PDE1A: variants seen among roughly 807,000 people sequenced by gnomAD.
The protein encoded by PDE1A is dual specificity calcium/calmodulin-dependent 3',5'-cyclic nucleotide phosphodiesterase 1A.
In PDE1A, 35 loss-of-function variants were observed where a neutral mutation model predicts 61.7. That is an observed-to-expected ratio of 0.57 (90% CI 0.43 to 0.75). PDE1A has a LOEUF of 0.75. Ranked by LOEUF, PDE1A falls within the 30% of genes least tolerant of loss-of-function variation. The pLI is 0.00. For missense variants in PDE1A, 597 were observed against 630.6 expected (o/e 0.95, Z 0.57); for synonymous variants, 232 against 213.2 (o/e 1.09, Z -0.77).
At chr2:182,484,616 T>C (rs1687903149) in intron 2 of PDE1A, among the ~76,000 whole-genome samples, 1 of 151,992 alleles carries the variant, frequency 6.6e-6, no homozygotes, top group Non-Finnish European at 1.5e-5. Context: ...ACTATGCATC[T>C]GACAAAGGAC....
At chr2:182,176,393 T>G (rs971176941) in intron 13 of PDE1A, among the ~76,000 whole-genome samples, 1 of 148,924 alleles carries the variant, frequency 6.7e-6, no homozygotes, top group Admixed American at 6.6e-5. Context: ...TTTGAAGAGG[T>G]CCTTCACATC....
At chr2:182,158,923 C>T (rs1209025914) in intron 13 of PDE1A, among the ~76,000 whole-genome samples, 1 of 151,994 alleles carries the variant, frequency 6.6e-6, no homozygotes, top group East Asian at 1.9e-4. Flanking sequence ...AGATCAAATA[C>T]TTTAGTTATA....
At chr2:182,606,294 T>A in the PDE1A span, among the ~76,000 whole-genome samples, 2 of 152,330 alleles carry the variant, frequency 1.3e-5, no homozygotes, top group African/African-American at 4.8e-5. Context: ...CTCTCCTGCC[T>A]CAACCTCCTG....
At chr2:182,206,086 G>A (rs1288277637) in intron 7 of PDE1A, 21 bp from the exon 8 acceptor site, 2 of 1,591,868 alleles carry the variant, frequency 1.3e-6, no homozygotes, top group Admixed American at 1.8e-5. Flanking sequence ...AAAACAAAAT[G>A]CCCAACAGAG....
intron 2 of PDE1A, among the ~76,000 whole-genome samples, chr2:182,492,774 A>G (rs754945829): frequency 7.9e-5 from 12 of 152,218 alleles, no homozygotes; most frequent in Non-Finnish European, 1.2e-4. Context: ...TTATATTTTT[A>G]AAACAAGGCT....
the PDE1A span, among the ~76,000 whole-genome samples, chr2:182,644,263 C>CTGTGTGTGTGTGTGTGTGTGTGTGTG: frequency 1.2e-3 from 150 of 123,124 alleles, 3 homozygotes; most frequent in African/African-American, 4.3e-3. Context: ...TCTTAAGACT[C>CTGTGTGTGTGTGTGTGTGTGTGTGTG]TGTGTGTGTG....
intron 2 of PDE1A, among the ~76,000 whole-genome samples, chr2:182,251,403 TC>T (rs1341648167): frequency 1.5e-5 from 1 of 68,826 alleles, no homozygotes; most frequent in Admixed American, 1.3e-4. Context: ...TCTCTGTTTC[TC>T]TTTTTTTGTG....
At chr2:182,695,679 A>G in the PDE1A span, among the ~76,000 whole-genome samples, 4 of 92,246 alleles carry the variant, frequency 4.3e-5, no homozygotes, top group Non-Finnish European at 1.0e-4. Context: ...AAAAAAAAAA[A>G]AAAAAAGAAA....
intron 1 of PDE1A, among the ~76,000 whole-genome samples, chr2:182,393,045 G>C (rs531966933): frequency 1.3e-5 from 2 of 152,382 alleles, no homozygotes; most frequent in South Asian, 4.1e-4. Context: ...TGCCCCAGTA[G>C]GATTCTGTGT....
At chr2:182,232,795 G>A (rs538532542) in intron 4 of PDE1A, among the ~76,000 whole-genome samples, 1 of 152,268 alleles carries the variant, frequency 6.6e-6, no homozygotes, top group African/African-American at 2.4e-5. Context: ...CTCTTAGAAG[G>A]TTGCTATTTA....
At chr2:182,374,505 A>G (rs1700283308) in intron 1 of PDE1A, among the ~76,000 whole-genome samples, 1 of 152,212 alleles carries the variant, frequency 6.6e-6, no homozygotes, top group Admixed American at 6.5e-5. Context: ...GCTATTTAAA[A>G]GAGACAGTTT....
chr2:182,491,419 G>C (rs1488061485), intron 2 of PDE1A, among the ~76,000 whole-genome samples: 1 of 152,166 alleles, frequency 6.6e-6, no homozygotes, highest in Non-Finnish European at 1.5e-5. Flanking sequence ...GAGCAGAAAG[G>C]AATGAGAGAG....
intron 1 of PDE1A, among the ~76,000 whole-genome samples, chr2:182,380,802 A>G (rs1050674344): frequency 6.6e-6 from 1 of 152,224 alleles, no homozygotes; most frequent in East Asian, 1.9e-4. Context: ...TCCAGTTCAC[A>G]AGGTAACCAG....
the PDE1A span, among the ~76,000 whole-genome samples, chr2:182,613,541 C>T: frequency 8.8e-4 from 128 of 145,472 alleles, no homozygotes; most frequent in African/African-American, 1.7e-3. Context: ...CCAGCCTGGG[C>T]GACAGAGTGA....
At chr2:182,323,535 C>T (rs1696839696) in intron 1 of PDE1A, among the ~76,000 whole-genome samples, 1 of 152,148 alleles carries the variant, frequency 6.6e-6, no homozygotes, top group African/African-American at 2.4e-5. Flanking sequence ...TACCCCTGCC[C>T]TAATGTTTAC....
At chr2:182,251,523 G>A (rs1258049250) in intron 2 of PDE1A, among the ~76,000 whole-genome samples, 1 of 152,170 alleles carries the variant, frequency 6.6e-6, no homozygotes, top group East Asian at 1.9e-4. Flanking sequence ...TTCCCATGCT[G>A]TAAGACCTAT....
the PDE1A span, among the ~76,000 whole-genome samples, chr2:182,708,778 AAC>A: frequency 6.6e-6 from 1 of 152,182 alleles, no homozygotes; most frequent in African/African-American, 2.4e-5. Flanking sequence ...ACCGCTTACT[AAC>A]AGTGTGACAT....
chr2:182,439,544 T>C (rs1490715809), intron 2 of PDE1A, among the ~76,000 whole-genome samples: 1 of 151,952 alleles, frequency 6.6e-6, no homozygotes, highest in Admixed American at 6.6e-5. Flanking sequence ...AAGATGTCAC[T>C]GGTACCAAAG....
chr2:182,627,764 G>A, the PDE1A span, among the ~76,000 whole-genome samples: 1 of 151,666 alleles, frequency 6.6e-6, no homozygotes, highest in African/African-American at 2.4e-5. Flanking sequence ...CCAAACTTGT[G>A]AGACCCCATC....
Sources: gnomAD v4.1 joint callset for allele counts (sites outside exome capture counted in the v4.1 genomes callset) on GRCh38, gnomAD v4.1.1 for gene constraint, MANE v1.5 for transcripts, NCBI Gene and HGNC (gene_info 2026-07-23, HGNC 2026-07-21) for gene names.